Variants in TRPC4 observed in about 807,000 individuals in gnomAD.
The protein encoded by TRPC4 is short transient receptor potential channel 4.
In TRPC4, 49 loss-of-function variants were observed where a neutral mutation model predicts 99.4. The ratio of observed to expected loss-of-function variants is 0.49; its 90% confidence interval spans 0.39 to 0.63. TRPC4 has a LOEUF of 0.63. Ranked by LOEUF, TRPC4 falls within the 20% of genes least tolerant of loss-of-function variation. The pLI is 0.00. For missense variants in TRPC4, 898 were observed against 1,152.9 expected (o/e 0.78, Z 3.20); for synonymous variants, 454 against 425.9 (o/e 1.07, Z -0.81).
intron 5 of TRPC4, among the ~76,000 whole-genome samples, chr13:37,673,821 G>A (rs1432194257): frequency 6.6e-6 from 1 of 152,132 alleles, no homozygotes; most frequent in Non-Finnish European, 1.5e-5. Flanking sequence ...TGCTTTGAAA[G>A]AGTAATATTT....
Position 37,639,525 on chromosome 13 carries a change from CAG to C in TRPC4, c.2080-228_2080-227del, listed in dbSNP as rs1593409832. ...GAAACACAGAATAAGTTAACAATGA[CAG>C]AACTGTTGTTCTCATACAGGACACA... is the stretch of plus-strand genomic sequence containing the variant. On this transcript the variant is annotated intron_variant, in intron 8 of 10. Coordinates refer to ENST00000379705, the MANE Select transcript of TRPC4 (RefSeq NM_016179.4). 2.0e-5 allele frequency among the ~76,000 whole-genome samples: 3 copies of C among 151,974 alleles called. No homozygotes were observed. The East Asian group carries it at 5.8e-4, about 29-fold the overall frequency.
intron 1 of TRPC4, among the ~76,000 whole-genome samples, chr13:37,817,943 A>C (rs556877913): frequency 6.6e-6 from 1 of 152,042 alleles, no homozygotes; most frequent in South Asian, 2.1e-4. Flanking sequence ...CTGGAAGACA[A>C]CCTAGGTAAT....
chr13:37,786,409 T>A, intron 1 of TRPC4, among the ~76,000 whole-genome samples: 1 of 151,674 alleles, frequency 6.6e-6, no homozygotes, highest in East Asian at 1.9e-4. Flanking sequence ...GAAGATCATA[T>A]AATTTTTCAG....
chr13:37,665,350 A>C (rs1307992072), intron 5 of TRPC4, among the ~76,000 whole-genome samples: 3 of 152,220 alleles, frequency 2.0e-5, no homozygotes, highest in African/African-American at 7.2e-5. Flanking sequence ...TTGGTAGCTA[A>C]TTAAATTCCT....
rs184658508 is a variant in TRPC4, at chr13:37,772,701, T to C, written c.378+10255A>G. Among the ~76,000 whole-genome samples the C allele has an allele frequency of 3.3e-5, 5 of 151,876 alleles. No individual in the cohort carries two copies. In the East Asian group the frequency reaches 7.8e-4, roughly 24 times the overall value. ...ATTTATATCATATCACGTCATATTT[T>C]ATAATTTATATCAAAAAAGGGTTCA... On this transcript the variant is annotated intron_variant, in intron 2 of 10. Transcript: ENST00000379705.
chr13:37,697,226 G>C (rs962347595), intron 3 of TRPC4, among the ~76,000 whole-genome samples: 2 of 152,126 alleles, frequency 1.3e-5, no homozygotes, highest in African/African-American at 4.8e-5. Flanking sequence ...GCCATGATCT[G>C]TAAGAACCAC....
At chr13:37,725,669 A>T (rs1286008427) in intron 3 of TRPC4, among the ~76,000 whole-genome samples, 1 of 152,202 alleles carries the variant, frequency 6.6e-6, no homozygotes, top group Non-Finnish European at 1.5e-5. Flanking sequence ...TCATTGAGTT[A>T]TATACATTAA....
intron 1 of TRPC4, among the ~76,000 whole-genome samples, chr13:37,848,957 T>C (rs1198955948): frequency 6.6e-6 from 1 of 152,146 alleles, no homozygotes; most frequent in African/African-American, 2.4e-5. Context: ...GTATAGATAA[T>C]ATGCCTAAAG....
chr13:37,798,741 T>C (rs1957318070), intron 1 of TRPC4, among the ~76,000 whole-genome samples: 1 of 152,178 alleles, frequency 6.6e-6, no homozygotes, highest in African/African-American at 2.4e-5. Flanking sequence ...ACCAACTATA[T>C]AAGTGTTTGG....
At position 37,658,135 on chromosome 13, in the gene TRPC4, A is replaced by G. The variant is rs137947070; in HGVS notation, c.1689-2852T>C. Reference sequence around the variant, plus strand: ...CATACATTGAAGGATCATTACTTAAAGTATCACATCTCAGAATGCCTTTAC... The same window carrying G: ...CATACATTGAAGGATCATTACTTAAGGTATCACATCTCAGAATGCCTTTAC... On this transcript the variant is annotated intron_variant, in intron 6 of 10. Transcript: ENST00000379705. Among the ~76,000 whole-genome samples the G allele has an allele frequency of 2.0e-5, 3 of 152,308 alleles. No individual in the cohort carries two copies. The East Asian group carries it at 5.8e-4, about 29-fold the overall frequency.
rs1214036915 is a variant in TRPC4, at chr13:37,633,856, T to C, written c.*3047A>G. On this transcript the variant is annotated 3_prime_UTR_variant, in exon 11 of 11. Transcript: ENST00000379705. The stretch of plus-strand genomic sequence containing the variant: ...ATAATTCACCCCATTTTAAAAAATA[T>C]AGCCAATTTCCTTACTGAAGTTAAT... Among the ~76,000 whole-genome samples the C allele has an allele frequency of 2.0e-5, 3 of 152,130 alleles. No individual in the cohort carries two copies. The highest frequency in any genetic ancestry group is 4.4e-5 in the Non-Finnish European group (3 of 67,990).
chr13:37,738,366 C>T (rs189311225), intron 3 of TRPC4, among the ~76,000 whole-genome samples: 5 of 152,196 alleles, frequency 3.3e-5, no homozygotes, highest in Admixed American at 1.3e-4. Flanking sequence ...GCTGTCCAGG[C>T]GAGTTTGATA....
intron 1 of TRPC4, among the ~76,000 whole-genome samples, chr13:37,857,823 CTT>C (rs1959186190): frequency 6.6e-6 from 1 of 151,598 alleles, no homozygotes; most frequent in African/African-American, 2.4e-5. Context: ...TGCAAGAAAA[CTT>C]TGGAGAAACG....
intron 1 of TRPC4, among the ~76,000 whole-genome samples, chr13:37,845,805 G>C (rs901697521): frequency 6.6e-6 from 1 of 152,020 alleles, no homozygotes; most frequent in Admixed American, 6.5e-5. Flanking sequence ...ACAACATCCA[G>C]GTACAGGCAT....
intron 4 of TRPC4, among the ~76,000 whole-genome samples, chr13:37,682,879 A>C (rs1953297649): frequency 1.3e-5 from 2 of 149,222 alleles, no homozygotes; most frequent in African/African-American, 4.9e-5. Context: ...CCTCCTGGGT[A>C]GAGGAGCAAG....
At chr13:37,795,633 T>G (rs1171811200) in intron 1 of TRPC4, among the ~76,000 whole-genome samples, 7 of 152,170 alleles carry the variant, frequency 4.6e-5, no homozygotes, top group Non-Finnish European at 1.0e-4. Context: ...CTTAAAGTAA[T>G]GGAGATGCAA....
chr13:37,677,775 A>G (rs1351795958), intron 4 of TRPC4, among the ~76,000 whole-genome samples: 1 of 152,196 alleles, frequency 6.6e-6, no homozygotes, highest in Non-Finnish European at 1.5e-5. Context: ...TAGTAATGAT[A>G]TAGAAGACCT....
intron 8 of TRPC4, among the ~76,000 whole-genome samples, chr13:37,650,085 A>G (rs945496502): frequency 3.3e-5 from 5 of 152,228 alleles, no homozygotes; most frequent in African/African-American, 9.6e-5. Flanking sequence ...AGGAAAATCA[A>G]TGCCACTGCC....
intron 1 of TRPC4, among the ~76,000 whole-genome samples, chr13:37,862,929 A>G (rs1325624063): frequency 1.3e-5 from 2 of 151,434 alleles, no homozygotes; most frequent in African/African-American, 2.4e-5. Flanking sequence ...CGGTGGGCCC[A>G]TAAGATTATA....
Sources: gnomAD v4.1 joint callset for allele counts (sites outside exome capture counted in the v4.1 genomes callset) on GRCh38, gnomAD v4.1.1 for gene constraint, MANE v1.5 for transcripts, NCBI Gene and HGNC (gene_info 2026-07-23, HGNC 2026-07-21) for gene names.